NRG3: variants seen among roughly 807,000 people sequenced by gnomAD.
The protein encoded by NRG3 is pro-neuregulin-3, membrane-bound isoform.
Under a neutral mutation model 66.9 loss-of-function variants are expected in NRG3, and 31 were observed. The ratio of observed to expected loss-of-function variants is 0.46; its 90% CI spans 0.35 to 0.63. NRG3 has a LOEUF of 0.63. Ranked by LOEUF, NRG3 falls within the 20% of genes least tolerant of loss-of-function variation. The pLI is 0.00. For missense variants in NRG3, 910 were observed against 878.9 expected (o/e 1.04, Z -0.45); for synonymous variants, 393 against 359.4 (o/e 1.09, Z -1.06).
intron 2 of NRG3, among the ~76,000 whole-genome samples, chr10:82,507,166 G>A (rs1275274995): frequency 6.6e-6 from 1 of 152,192 alleles, no homozygotes; most frequent in African/African-American, 2.4e-5. Flanking sequence ...TGACAGCTGA[G>A]GGAGGAACAG....
At chr10:82,766,629 G>C (rs983437150) in intron 3 of NRG3, among the ~76,000 whole-genome samples, 7 of 152,018 alleles carry the variant, frequency 4.6e-5, no homozygotes, top group African/African-American at 1.4e-4. Context: ...TGTGGGTAGA[G>C]TTATCTTGTA....
chr10:82,246,334 T>C (rs2077242855), intron 1 of NRG3, among the ~76,000 whole-genome samples: 1 of 152,214 alleles, frequency 6.6e-6, no homozygotes, highest in African/African-American at 2.4e-5. Flanking sequence ...TTTTGTGCTT[T>C]AGTAATCATT....
At chr10:82,469,589 G>C (rs971257207) in intron 2 of NRG3, among the ~76,000 whole-genome samples, 1 of 152,210 alleles carries the variant, frequency 6.6e-6, no homozygotes, top group South Asian at 2.1e-4. Context: ...ATGGTGGCTA[G>C]AATAGGAGTG....
At chr10:82,354,130 G>A (rs2135542102) in intron 1 of NRG3, among the ~76,000 whole-genome samples, 2 of 150,054 alleles carry the variant, frequency 1.3e-5, no homozygotes, top group South Asian at 4.2e-4. Context: ...GACCTCCTGG[G>A]CTCAGGTGAT....
chr10:82,120,884 C>T (rs1054415596), intron 1 of NRG3, among the ~76,000 whole-genome samples: 1 of 152,086 alleles, frequency 6.6e-6, no homozygotes, highest in Non-Finnish European at 1.5e-5. Flanking sequence ...TGTCTGTATT[C>T]CTGCACATGC....
intron 2 of NRG3, among the ~76,000 whole-genome samples, chr10:82,586,417 T>C (rs2046672060): frequency 1.3e-5 from 2 of 152,154 alleles, no homozygotes; most frequent in South Asian, 4.1e-4. Flanking sequence ...TGACTGTCAA[T>C]GATAACAGCA....
intron 1 of NRG3, among the ~76,000 whole-genome samples, chr10:82,181,388 T>A (rs2073406943): frequency 6.6e-6 from 1 of 151,778 alleles, no homozygotes; most frequent in Admixed American, 6.6e-5. Context: ...TTTTTTAATG[T>A]CAGTGTTCAT....
chr10:81,943,752 G>A (rs1848592741), intron 1 of NRG3, among the ~76,000 whole-genome samples: 1 of 152,210 alleles, frequency 6.6e-6, no homozygotes, highest in African/African-American at 2.4e-5. Flanking sequence ...GGCTTCATCA[G>A]CTAGAAAACA....
intron 2 of NRG3, among the ~76,000 whole-genome samples, chr10:82,669,966 G>T (rs2053133528): frequency 1.3e-5 from 2 of 152,004 alleles, no homozygotes; most frequent in South Asian, 4.2e-4. Context: ...GCAACATGTG[G>T]CATCCTCCAC....
chr10:82,457,333 A>G (rs2091311681), intron 2 of NRG3, among the ~76,000 whole-genome samples: 1 of 152,178 alleles, frequency 6.6e-6, no homozygotes, highest in Admixed American at 6.5e-5. Flanking sequence ...ATCATCAGGT[A>G]TTAGATTCTC....
At chr10:81,913,796 C>A (rs1399793828) in intron 1 of NRG3, among the ~76,000 whole-genome samples, 1 of 152,156 alleles carries the variant, frequency 6.6e-6, no homozygotes, top group Non-Finnish European at 1.5e-5. Flanking sequence ...CACCGTGAAT[C>A]ACAGCCTTTT....
At chr10:82,573,921 AAAG>A (rs1467241792) in intron 2 of NRG3, among the ~76,000 whole-genome samples, 2 of 151,804 alleles carry the variant, frequency 1.3e-5, no homozygotes, top group Non-Finnish European at 2.9e-5. Flanking sequence ...AAATTTGGCG[AAAG>A]AAGAAGTGCA....
intron 2 of NRG3, among the ~76,000 whole-genome samples, chr10:82,507,230 G>A (rs1318134205): frequency 2.0e-5 from 3 of 152,154 alleles, no homozygotes; most frequent in Non-Finnish European, 4.4e-5. Flanking sequence ...TAGTAGTAGG[G>A]ATGTTGTCTC....
intron 1 of NRG3, among the ~76,000 whole-genome samples, chr10:82,021,514 A>T: frequency 6.6e-6 from 1 of 152,092 alleles, no homozygotes; most frequent in Admixed American, 6.6e-5. Flanking sequence ...GGCTTTGTGG[A>T]TTATGGCATT....
chr10:82,656,389 A>G (rs1193072952), intron 2 of NRG3, among the ~76,000 whole-genome samples: 1 of 150,474 alleles, frequency 6.6e-6, no homozygotes, highest in Non-Finnish European at 1.5e-5. Flanking sequence ...TCAAATAAAT[A>G]CCAAATTTGA....
intron 2 of NRG3, among the ~76,000 whole-genome samples, chr10:82,490,386 C>G (rs1385897319): frequency 2.6e-5 from 4 of 152,196 alleles, no homozygotes; most frequent in African/African-American, 9.6e-5. Context: ...GCAAGGCCAT[C>G]TTGCCCTTCT....
intron 1 of NRG3, among the ~76,000 whole-genome samples, chr10:81,881,436 GA>G (rs1842172036): frequency 6.6e-6 from 1 of 152,096 alleles, no homozygotes. Flanking sequence ...AAACCTGATG[GA>G]AGCTAATGGT....
In NRG3 at chr10:82,058,134, A is replaced by G. The variant is rs1287439646; in HGVS notation, c.823+181971A>G. ...TCTGGTAACATTTACTCAAACTTTT[A>G]TATATACAAGTCTCATTGGGTGCTT... On this transcript the variant is annotated intron_variant, in intron 1 of 8. Transcript: ENST00000372141. 2.0e-5 allele frequency among the ~76,000 whole-genome samples: 3 copies of G among 152,216 alleles called. No individual in the cohort carries two copies. The East Asian group carries it at 5.8e-4, about 29-fold the overall frequency.
At chr10:82,258,849 A>G (rs1419043792) in intron 1 of NRG3, among the ~76,000 whole-genome samples, 4 of 152,196 alleles carry the variant, frequency 2.6e-5, no homozygotes, top group Admixed American at 6.5e-5. Context: ...AATGCTGGGT[A>G]TATTTCACAT....
Sources: allele counts gnomAD v4.1 joint callset (sites outside exome capture counted in the v4.1 genomes callset), GRCh38; gene constraint gnomAD v4.1.1; transcripts MANE v1.5; gene names NCBI Gene and HGNC (gene_info 2026-07-23, HGNC 2026-07-21).